DYM: variants seen among roughly 807,000 people sequenced by gnomAD.
DYM encodes the protein dymeclin.
Under a neutral mutation model 93.1 loss-of-function variants are expected in DYM, and 78 were observed. The ratio of observed to expected loss-of-function variants is 0.84; its 90% CI spans 0.70 to 1.01. DYM has a LOEUF of 1.01. Ranked by LOEUF, DYM falls within the 50% of genes least tolerant of loss-of-function variation. The pLI is 0.00. For synonymous variants in DYM, 321 were observed against 319.7 expected (o/e 1.00, Z -0.04); for missense variants, 789 against 845.0 (o/e 0.93, Z 0.82).
At chr18:49,049,619 T>C (rs1394145841) in intron 17 of DYM, 2 of 153,292 alleles carry the variant, frequency 1.3e-5, no homozygotes, top group African/African-American at 4.8e-5. Flanking sequence ...AAGTACTTAA[T>C]GAATGTTGGC....
intron 17 of DYM, among the ~76,000 whole-genome samples, chr18:49,053,596 A>G (rs1413275560): frequency 6.6e-6 from 1 of 152,212 alleles, no homozygotes; most frequent in Non-Finnish European, 1.5e-5. Flanking sequence ...GACTACAGAC[A>G]GCACGTGCAG....
intron 8 of DYM, among the ~76,000 whole-genome samples, chr18:49,289,405 A>C (rs1205008160): frequency 1.2e-3 from 2 of 1,678 alleles, no homozygotes; most frequent in Non-Finnish European, 3.5e-3. Context: ...ACAAATCAGT[A>C]AAAAAAAAAA....
intron 16 of DYM, chr18:49,114,455 T>G (rs80117271): frequency 0.063 from 45,536 of 726,530 alleles, 1,938 homozygotes; most frequent in East Asian, 0.25. Context: ...TGGGTATAAG[T>G]CCAACTTAAC....
At chr18:49,425,853 C>A (rs1167785460) in intron 2 of DYM, among the ~76,000 whole-genome samples, 2 of 152,172 alleles carry the variant, frequency 1.3e-5, no homozygotes, top group African/African-American at 4.8e-5. Context: ...GAAATACCAT[C>A]TCACACCAGT....
At chr18:49,149,818 T>C (rs1318647730) in intron 15 of DYM, among the ~76,000 whole-genome samples, 1 of 146,036 alleles carries the variant, frequency 6.8e-6, no homozygotes, top group African/African-American at 2.5e-5. Context: ...GCGATTCTCC[T>C]GCCTCAGCCT....
At chr18:49,456,623 AGAG>A (rs1445722840) in intron 1 of DYM, among the ~76,000 whole-genome samples, 1 of 152,244 alleles carries the variant, frequency 6.6e-6, no homozygotes, top group Non-Finnish European at 1.5e-5. Context: ...GATAAAAATC[AGAG>A]AAGATACCAA....
At chr18:49,131,022 G>C (rs2083334222) in intron 15 of DYM, among the ~76,000 whole-genome samples, 2 of 152,238 alleles carry the variant, frequency 1.3e-5, no homozygotes, top group South Asian at 4.1e-4. Flanking sequence ...TTACTTTAGA[G>C]GATGTGAGGA....
intron 17 of DYM, among the ~76,000 whole-genome samples, chr18:49,052,589 A>G (rs1373752068): frequency 3.9e-5 from 6 of 152,166 alleles, no homozygotes; most frequent in Non-Finnish European, 7.3e-5. Flanking sequence ...GGGAAGTCCA[A>G]CTTCTTCACT....
chr18:49,340,051 C>T (rs1386895262), intron 6 of DYM, among the ~76,000 whole-genome samples: 1 of 152,090 alleles, frequency 6.6e-6, no homozygotes, highest in African/African-American at 2.4e-5. Flanking sequence ...CCTGGATTCA[C>T]GCCGTTCTCC....
intron 8 of DYM, among the ~76,000 whole-genome samples, chr18:49,323,047 A>G (rs951176620): frequency 2.0e-5 from 3 of 152,210 alleles, no homozygotes; most frequent in Admixed American, 1.3e-4. Flanking sequence ...ATTGTAACCC[A>G]TAGCTAGATC....
intron 17 of DYM, among the ~76,000 whole-genome samples, chr18:49,080,485 C>T (rs2077815405): frequency 2.1e-5 from 3 of 145,648 alleles, no homozygotes; most frequent in Non-Finnish European, 4.6e-5. Flanking sequence ...CCTCACCTCC[C>T]GGACGGGGCG....
intron 1 of DYM, among the ~76,000 whole-genome samples, chr18:49,438,723 T>C (rs2081070450): frequency 6.6e-6 from 1 of 152,106 alleles, no homozygotes; most frequent in African/African-American, 2.4e-5. Flanking sequence ...ACCTGGAGTA[T>C]ACAGGAGGAA....
chr18:49,339,253 C>T (rs539766404), intron 6 of DYM, among the ~76,000 whole-genome samples: 7 of 152,284 alleles, frequency 4.6e-5, no homozygotes, highest in Admixed American at 3.3e-4. Flanking sequence ...CGCGTGCATG[C>T]GCACGTGCCA....
At chr18:49,367,854 G>T (rs1254691850) in intron 5 of DYM, among the ~76,000 whole-genome samples, 1 of 151,898 alleles carries the variant, frequency 6.6e-6, no homozygotes, top group Non-Finnish European at 1.5e-5. Context: ...AATAAAATTG[G>T]CTTCTTTAAA....
At chr18:49,354,683 C>T (rs2065391132) in intron 6 of DYM, among the ~76,000 whole-genome samples, 1 of 152,078 alleles carries the variant, frequency 6.6e-6, no homozygotes, top group African/African-American at 2.4e-5. Flanking sequence ...AAGAGATGCT[C>T]AACATCATAT....
chr18:49,372,677 G>A (rs928377215), intron 5 of DYM, among the ~76,000 whole-genome samples: 3 of 152,148 alleles, frequency 2.0e-5, no homozygotes, highest in South Asian at 2.1e-4. Context: ...CCTGGGAGGT[G>A]GAAGCTGCAG....
At chr18:49,357,790 T>C (rs2065691272) in intron 6 of DYM, among the ~76,000 whole-genome samples, 1 of 152,198 alleles carries the variant, frequency 6.6e-6, no homozygotes, top group Admixed American at 6.5e-5. Flanking sequence ...GGTTTCATTC[T>C]AGTTTTATTG....
rs1398981669 is a variant in DYM, at chr18:49,257,018, C to T, written c.1452G>A (p.Arg484=). ...FRSLHQYAAQ[R]IISYTCRHLR... ...TTAAAGTTCATATTTACCTGATGAT[C>T]CTCTGGGCAGCATACTGATGGAGAG... The change falls in exon 13 of 18, where the codon AGG becomes AGA. Residue 484 remains arginine (R), a synonymous_variant. Coordinates refer to ENST00000675505, the MANE Select transcript of DYM (RefSeq NM_001353214.3). 1 of 1,612,830 alleles carries T rather than the reference C, an allele frequency of 6.2e-7. No homozygotes were observed. The highest frequency in any genetic ancestry group is 2.2e-5 in the East Asian group (1 of 44,830).
intron 2 of DYM, among the ~76,000 whole-genome samples, chr18:49,419,663 T>C (rs147159890): frequency 0.015 from 2,213 of 152,294 alleles, 36 homozygotes; most frequent in Non-Finnish European, 0.021. Context: ...TCCCCCAATC[T>C]TCCAAAACAA....
Sources: allele counts gnomAD v4.1 joint callset (sites outside exome capture counted in the v4.1 genomes callset), GRCh38; gene constraint gnomAD v4.1.1; transcripts MANE v1.5; gene names NCBI Gene and HGNC (gene_info 2026-07-23, HGNC 2026-07-21).